ASB9: variants seen among roughly 807,000 people sequenced by gnomAD.
ASB9 encodes the protein ankyrin repeat and SOCS box protein 9.
In ASB9, 5 loss-of-function variants were observed where a neutral mutation model predicts 16.6. The observed-to-expected ratio is 0.30, with a 90% confidence interval of 0.16 to 0.63. The LOEUF is 0.63. Ranked by LOEUF, ASB9 falls within the 30% of genes least tolerant of loss-of-function variation. The pLI, the probability that ASB9 is intolerant of heterozygous loss-of-function variation, is 0.82. For missense variants in ASB9, 216 were observed against 229.4 expected, an observed-to-expected ratio of 0.94 and a Z score of 0.38; for synonymous variants, 100 against 86.4, an observed-to-expected ratio of 1.16 and a Z score of -0.87.
intron 1 of ASB9, among the ~76,000 whole-genome samples, chrX:15,267,541 G>GTTCA (rs1926609152): frequency 2.1e-5 from 1 of 46,556 alleles, no homozygotes; most frequent in Non-Finnish European, 4.3e-5. Flanking sequence ...TCAGGAGATT[G>GTTCA]AGACCATCCT....
In ASB9 at chrX:15,248,724, A is replaced by C; in HGVS notation, c.760+20T>G. On this transcript the variant is annotated intron_variant, in intron 6 of 6. Coordinates refer to ENST00000380488, the MANE Select transcript of ASB9 (RefSeq NM_001031739.3). ...AAGGGATGTCAACAGATTAGGGCTT[A>C]GGTTTTGGCAAAGAAGCACCTTCTC... The C allele has an allele frequency of 2.5e-6, 3 of 1,193,719 alleles. No individual in the cohort carries two copies. The highest frequency in any genetic ancestry group is 2.3e-6 in the Non-Finnish European group (2 of 885,335).
intron 1 of ASB9, among the ~76,000 whole-genome samples, chrX:15,262,541 T>G: frequency 8.9e-6 from 1 of 112,974 alleles, no homozygotes; most frequent in Middle Eastern, 4.6e-3. Flanking sequence ...ATACAAGGAC[T>G]TTGACCTCAG....
chrX:15,245,833 C>T (rs1165458376), intron 6 of ASB9, among the ~76,000 whole-genome samples: 1 of 112,032 alleles, frequency 8.9e-6, no homozygotes, highest in Admixed American at 9.5e-5. Flanking sequence ...GTTAACTTAT[C>T]TCTCAAGGTG....
chrX:15,263,190 G>C (rs1034617334), intron 1 of ASB9, among the ~76,000 whole-genome samples: 2 of 111,217 alleles, frequency 1.8e-5, no homozygotes, highest in Admixed American at 9.6e-5. Flanking sequence ...AATGCTGGGC[G>C]GTAGCATAAA....
chrX:15,259,229 C>T (rs768432997), intron 1 of ASB9: 2 of 240,127 alleles, frequency 8.3e-6, no homozygotes, highest in Admixed American at 1.2e-4. Flanking sequence ...TTTCTATTTA[C>T]ACACTGGTTT....
chrX:15,259,731 G>C (rs926476314), intron 1 of ASB9, among the ~76,000 whole-genome samples: 2 of 112,402 alleles, frequency 1.8e-5, no homozygotes, highest in Non-Finnish European at 3.8e-5. Context: ...AAAGCTTCTT[G>C]AGTGCTAACA....
intron 1 of ASB9, among the ~76,000 whole-genome samples, chrX:15,266,475 C>A (rs1385099554): frequency 2.7e-5 from 3 of 112,093 alleles, no homozygotes. Context: ...GCTCTTCAAG[C>A]TTTATCTGCC....
chrX:15,247,620 T>G (rs1924776659), intron 6 of ASB9, among the ~76,000 whole-genome samples: 1 of 112,862 alleles, frequency 8.9e-6, no homozygotes, highest in African/African-American at 3.2e-5. Context: ...CATTTTTTAT[T>G]CTGATTGTTT....
chrX:15,247,940 C>T (rs895412370), intron 6 of ASB9, among the ~76,000 whole-genome samples: 1 of 112,462 alleles, frequency 8.9e-6, no homozygotes. Flanking sequence ...CCTTACTGCT[C>T]ATCATGTGGG....
intron 6 of ASB9, among the ~76,000 whole-genome samples, chrX:15,246,017 T>C (rs910046381): frequency 8.9e-6 from 1 of 111,849 alleles, no homozygotes; most frequent in African/African-American, 3.3e-5. Context: ...TCAAGGCACA[T>C]ATTAACGAGC....
rs1222516740 is a variant in ASB9 at position 15,256,791 on chromosome X, A to AAAAG, written c.175-1951_175-1948dup. ...ACTCCGTCTCAAAAAAAAAAAAAAA[A>AAAAG]AAAGAAAGAAAAAAATGTGCCAACT... On this transcript the variant is annotated intron_variant, in intron 2 of 6. Coordinates refer to ENST00000380488, the MANE Select transcript of ASB9 (RefSeq NM_001031739.3). Among the ~76,000 whole-genome samples the AAAAG allele has an allele frequency of 2.6e-3, 279 of 107,043 alleles. 2 individuals carry two copies. The highest frequency in any genetic ancestry group is 9.3e-3 in the African/African-American group (272 of 29,324). 93.0% of individuals were successfully genotyped at this position (107,043 alleles called of 115,157 possible). A position where few individuals can be genotyped will look rare whatever the true frequency, so the allele number is the denominator to read the frequency against.
intron 3 of ASB9, 65 bp from the exon 4 acceptor site, chrX:15,252,469 A>C: frequency 9.8e-7 from 1 of 1,025,525 alleles, no homozygotes; most frequent in Non-Finnish European, 1.3e-6. Flanking sequence ...TGTGGGGTCC[A>C]CCACTCTGAA....
intron 4 of ASB9, among the ~76,000 whole-genome samples, chrX:15,251,475 T>C (rs1925113837): frequency 8.9e-6 from 1 of 112,298 alleles, no homozygotes; most frequent in Non-Finnish European, 1.9e-5. Context: ...TGCTGTATTT[T>C]AGTTCTATGT....
At chrX:15,265,458 G>A (rs12687579) in intron 1 of ASB9, among the ~76,000 whole-genome samples, 22,110 of 110,903 alleles carry the variant, frequency 0.2, 1,769 homozygotes, top group East Asian at 0.43. Context: ...TGAAATCATC[G>A]CCCTTTCTCT....
intron 2 of ASB9, among the ~76,000 whole-genome samples, chrX:15,255,800 G>T (rs1925485207): frequency 8.9e-6 from 1 of 111,911 alleles, no homozygotes; most frequent in African/African-American, 3.2e-5. Context: ...ATAGACTGCT[G>T]CATGTACCTT....
intron 1 of ASB9, among the ~76,000 whole-genome samples, chrX:15,262,912 A>G (rs1295638390): frequency 8.9e-6 from 1 of 112,534 alleles, no homozygotes; most frequent in African/African-American, 3.2e-5. Flanking sequence ...GATTATAGGC[A>G]TGAGCCACTG....
chrX:15,250,689 T>C, intron 4 of ASB9, 125 bp from the exon 5 acceptor site: 1 of 571,224 alleles, frequency 1.8e-6, no homozygotes, highest in South Asian at 4.0e-5. Context: ...AGCTATTTCC[T>C]TCAATTAGAA....
intron 1 of ASB9, among the ~76,000 whole-genome samples, chrX:15,262,686 C>T (rs1926068594): frequency 8.9e-6 from 1 of 112,716 alleles, no homozygotes. Flanking sequence ...GGCTGGAGTA[C>T]AGTGGGGCAA....
intron 1 of ASB9, among the ~76,000 whole-genome samples, chrX:15,267,528 A>G (rs1336430122): frequency 3.3e-5 from 2 of 61,520 alleles, no homozygotes; most frequent in Admixed American, 2.2e-4. Flanking sequence ...GCGGATCACG[A>G]GGTCAGGAGA....
Sources: gnomAD v4.1 joint callset for allele counts (sites outside exome capture counted in the v4.1 genomes callset) on GRCh38, gnomAD v4.1.1 for gene constraint, MANE v1.5 for transcripts, NCBI Gene and HGNC (gene_info 2026-07-23, HGNC 2026-07-21) for gene names.